SH3PXD2B: variants seen among roughly 807,000 people sequenced by gnomAD.
SH3PXD2B encodes SH3 and PX domain-containing protein 2B.
In SH3PXD2B, 37 loss-of-function variants were observed where a neutral mutation model predicts 73.1. The observed-to-expected ratio is 0.51, with a 90% confidence interval of 0.39 to 0.67. The LOEUF (loss-of-function observed/expected upper bound fraction) is 0.67, where lower values mean the gene tolerates loss of function less well. Among genes scored for constraint, SH3PXD2B ranks in the 30% least tolerant of loss-of-function variants. SH3PXD2B has a pLI of 0.00. For synonymous variants in SH3PXD2B, 457 were observed against 480.5 expected, an observed-to-expected ratio of 0.95 and a Z score of 0.64; for missense variants, 1,053 against 1,197.8, an observed-to-expected ratio of 0.88 and a Z score of 1.78.
At chr5:172,350,703 G>T in intron 9 of SH3PXD2B, 114 bp from the exon 10 acceptor site, 1 of 999,670 alleles carries the variant, frequency 1.0e-6, no homozygotes. Context: ...GACGGGTTGT[G>T]ACTGCCCAGG....
chr5:172,359,387 C>CAAAAAAAAAAAAAAAAAAAA (rs70982393), intron 7 of SH3PXD2B, among the ~76,000 whole-genome samples: 2 of 84,080 alleles, frequency 2.4e-5, no homozygotes, highest in African/African-American at 4.8e-5. Flanking sequence ...ACCCCCATCT[C>CAAAAAAAAAAAAAAAAAAAA]AAAAAAAAAA....
chr5:172,358,883 G>A lies in SH3PXD2B; in HGVS notation c.563-6C>T. 6.2e-7 allele frequency: 1 copy of A among 1,613,616 alleles called. No individual in the cohort carries two copies. Among genetic ancestry groups the A allele is most frequent in the South Asian group, 1.1e-5 (1 of 90,964 alleles). On this transcript the variant is annotated splice_polypyrimidine_tract_variant and splice_region_variant and intron_variant, in intron 7 of 12. Coordinates refer to ENST00000311601, the MANE Select transcript of SH3PXD2B (RefSeq NM_001017995.3). Reference sequence around the variant, plus strand: ...AGTGCTGACGAACCACCAACCTGGGGAAGCAAGAGTGCAGAATGATGTTAG... The same window carrying A: ...AGTGCTGACGAACCACCAACCTGGGAAAGCAAGAGTGCAGAATGATGTTAG...
At chr5:172,376,588 T>G (rs1426633847) in intron 5 of SH3PXD2B, among the ~76,000 whole-genome samples, 1 of 152,182 alleles carries the variant, frequency 6.6e-6, no homozygotes, top group Non-Finnish European at 1.5e-5. Context: ...ACAGTCCTCC[T>G]GTATGTCTGG....
At chr5:172,331,313 C>A (rs17074637), downstream of SH3PXD2B, among the ~76,000 whole-genome samples, 277 of 152,234 alleles carry the variant, frequency 1.8e-3, no homozygotes, top group Non-Finnish European at 3.1e-3. Context: ...GTGGAGCATG[C>A]GGATTATTTC....
At chr5:172,372,576 A>G (rs1178390882) in intron 6 of SH3PXD2B, among the ~76,000 whole-genome samples, 1 of 151,572 alleles carries the variant, frequency 6.6e-6, no homozygotes, top group African/African-American at 2.4e-5. Flanking sequence ...AGGGGCACCC[A>G]TGTATTTTAA....
chr5:172,366,954 G>T (rs113514378), intron 6 of SH3PXD2B, among the ~76,000 whole-genome samples: 45,048 of 85,866 alleles, frequency 0.52, 9,761 homozygotes, highest in East Asian at 0.7. Flanking sequence ...TTTTTTTTTT[G>T]GGGACAGAGT....
Position 172,346,124 on chromosome 5 carries a change from A to G in SH3PXD2B, c.1188+12T>C, listed in dbSNP as rs761901462. On this transcript the variant is annotated intron_variant, in intron 12 of 12. Transcript: ENST00000311601. ...AATCACAAGTAGGCAAAGGAACACC[A>G]GGGCCACTCACCTCGACCTTCAGGC... The G allele has an allele frequency of 7.4e-6, 12 of 1,613,874 alleles. No individual in the cohort carries two copies. The African/African-American group carries it at 1.5e-4, about 20-fold the overall frequency.
At chr5:172,378,004 C>T (rs1757854199) in intron 5 of SH3PXD2B, among the ~76,000 whole-genome samples, 1 of 152,202 alleles carries the variant, frequency 6.6e-6, no homozygotes, top group Non-Finnish European at 1.5e-5. Flanking sequence ...TGCGCTATTT[C>T]TACAAGCCCA....
downstream of SH3PXD2B, chr5:172,333,355 T>C (rs1756602849): frequency 3.3e-6 from 1 of 304,834 alleles, no homozygotes; most frequent in Non-Finnish European, 5.4e-6. Context: ...GAAGGTGCAC[T>C]ATGGCCCAGA....
rs1308736086 is a variant in SH3PXD2B at position 172,334,614 on chromosome 5, T to C, written c.*3755A>G. ...TCCAAGGGGGCAGCTTAAGCCAACA[T>C]GTAAGACTTGGGCACGATGAAAGGA... On this transcript the variant is annotated 3_prime_UTR_variant, in exon 13 of 13. Transcript: ENST00000311601. The C allele has an allele frequency of 8.1e-6, 8 of 985,370 alleles. No individual in the cohort carries two copies. The highest frequency in any genetic ancestry group is 1.7e-5 in the African/African-American group (1 of 57,240). The allele number at this position is 985,370 out of a possible 1,614,324, so 61.0% of individuals were successfully genotyped here.
chr5:172,392,655 G>T (rs1758217115), intron 4 of SH3PXD2B, among the ~76,000 whole-genome samples: 1 of 152,090 alleles, frequency 6.6e-6, no homozygotes, highest in South Asian at 2.1e-4. Context: ...CATGGTGGTG[G>T]GTGCCTGTAA....
At chr5:172,429,285 CCT>C (rs1446633955) in intron 1 of SH3PXD2B, among the ~76,000 whole-genome samples, 2 of 152,148 alleles carry the variant, frequency 1.3e-5, no homozygotes, top group African/African-American at 4.8e-5. Flanking sequence ...CTCTCTGTCC[CCT>C]GTGCTGCTTC....
At chr5:172,387,312 A>G (rs1422626472) in intron 4 of SH3PXD2B, among the ~76,000 whole-genome samples, 1 of 152,256 alleles carries the variant, frequency 6.6e-6, no homozygotes, top group African/African-American at 2.4e-5. Flanking sequence ...CTCTAATCAG[A>G]AGTCCACACT....
chr5:172,326,347 C>T lies in SH3PXD2B; in HGVS notation c.1189-967G>A, dbSNP rs1441627974. Among the ~76,000 whole-genome samples, 5 of 152,240 alleles carry T rather than the reference C, an allele frequency of 3.3e-5. No individual in the cohort carries two copies. In the South Asian group the frequency reaches 6.2e-4, roughly 19 times the overall value. ...GTGTGTTCTGTGGGATGTTCATAAACGTTACATGTAAAAGAGGATTCTGTT... is the reference window on the plus strand; with the variant it reads ...GTGTGTTCTGTGGGATGTTCATAAATGTTACATGTAAAAGAGGATTCTGTT... On this transcript the variant is annotated intron_variant, in intron 12 of 12. Coordinates refer to the SH3PXD2B transcript ENST00000519643.
intron 7 of SH3PXD2B, 33 bp from the exon 8 acceptor site, chr5:172,358,910 T>G (rs749528036): frequency 6.3e-7 from 1 of 1,595,046 alleles, no homozygotes; most frequent in Non-Finnish European, 8.6e-7. Flanking sequence ...TGATGTTAGT[T>G]GCATCAAGCA....
At chr5:172,436,271 T>C (rs1759383797) in intron 1 of SH3PXD2B, among the ~76,000 whole-genome samples, 1 of 152,200 alleles carries the variant, frequency 6.6e-6, no homozygotes, top group African/African-American at 2.4e-5. Flanking sequence ...GTGGGTGGGC[T>C]TTTGGGCCAT....
chr5:172,337,074 C>A lies in SH3PXD2B; in HGVS notation c.*1295G>T, dbSNP rs1756716619. ...CTCCCGTTGCTCCATAAGCTCTATT[C>A]CCCAGGGGGCAACAGCTTAGAAGAG... is the stretch of plus-strand genomic sequence containing the variant. On this transcript the variant is annotated 3_prime_UTR_variant, in exon 13 of 13. Coordinates refer to ENST00000311601, the MANE Select transcript of SH3PXD2B (RefSeq NM_001017995.3). 1.0e-6 allele frequency: 1 copy of A among 966,650 alleles called. No individual in the cohort carries two copies. The highest frequency in any genetic ancestry group is 1.2e-6 in the Non-Finnish European group (1 of 824,288). The allele number at this position is 966,650 out of a possible 1,614,324, so 59.9% of individuals were successfully genotyped here.
At chr5:172,368,329 C>T (rs1291265592) in intron 6 of SH3PXD2B, among the ~76,000 whole-genome samples, 1 of 149,844 alleles carries the variant, frequency 6.7e-6, no homozygotes, top group Non-Finnish European at 1.5e-5. Context: ...TCCTTGTTTA[C>T]TTTTCTACTC....
At chr5:172,423,768 G>A (rs1005284223) in intron 1 of SH3PXD2B, among the ~76,000 whole-genome samples, 5 of 152,060 alleles carry the variant, frequency 3.3e-5, no homozygotes, top group South Asian at 2.1e-4. Flanking sequence ...TTAGCCTCCC[G>A]AGTAGCTAGG....
Sources: allele counts gnomAD v4.1 joint callset (sites outside exome capture counted in the v4.1 genomes callset), GRCh38; gene constraint gnomAD v4.1.1; transcripts MANE v1.5; gene names NCBI Gene and HGNC (gene_info 2026-07-23, HGNC 2026-07-21).